Variants in TMEM214 observed in about 807,000 individuals in gnomAD.
TMEM214 encodes the protein transmembrane protein 214.
In TMEM214, 71 loss-of-function variants were observed where a neutral mutation model predicts 89.8. The ratio of observed to expected loss-of-function variants is 0.79; its 90% confidence interval spans 0.65 to 0.96. The LOEUF (loss-of-function observed/expected upper bound fraction) is 0.96. Ranked by LOEUF, TMEM214 falls within the 40% of genes least tolerant of loss-of-function variation. The pLI, the probability that TMEM214 is intolerant of heterozygous loss-of-function variation, is 0.00. For synonymous variants in TMEM214, 332 were observed against 349.5 expected (o/e 0.95, Z 0.56); for missense variants, 754 against 843.4 (o/e 0.89, Z 1.31).
At position 27,034,093 on chromosome 2, in the gene TMEM214, T is replaced by C. The variant is rs1667444932; in HGVS notation, c.178T>C (p.Tyr60His). 1.2e-6 allele frequency: 2 copies of C among 1,613,888 alleles called. No homozygotes were observed. The highest frequency in any genetic ancestry group is 2.7e-5 in the African/African-American group (2 of 74,836). Residue 60 changes from tyrosine to histidine, a missense_variant, in exon 2 of 17, where the codon TAT becomes CAT. Physicochemically the swap from Tyr to His is moderately conservative, Grantham distance 83. Coordinates refer to ENST00000238788, the MANE Select transcript of TMEM214 (RefSeq NM_017727.5). ...TPAIQTTSTLYERGFENIMKR... is the reference protein window; with the variant it reads ...TPAIQTTSTLHERGFENIMKR... ...TGCAATCCAGACCACAAGCACCCTT[T>C]ATGAGCGGGGCTTTGAGAATATCAT... is the stretch of plus-strand genomic sequence containing the variant.
intron 7 of TMEM214, 74 bp from the exon 8 acceptor site, chr2:27,037,003 C>A: frequency 1.4e-6 from 2 of 1,380,684 alleles, no homozygotes; most frequent in Non-Finnish European, 2.1e-6. Flanking sequence ...TAGATGTTGG[C>A]TTAGCTGGGG....
chr2:27,039,670 C>A, intron 13 of TMEM214, 71 bp from the exon 14 acceptor site: 3 of 1,313,978 alleles, frequency 2.3e-6, no homozygotes, highest in Non-Finnish European at 3.3e-6. Flanking sequence ...CTGCTCTGGG[C>A]CCTGTAGTGT....
chr2:27,038,267 T>C lies in TMEM214; in HGVS notation c.1244+30T>C, dbSNP rs1230051932. The C allele has an allele frequency of 6.2e-7, 1 of 1,608,482 alleles. No homozygotes were observed. On this transcript the variant is annotated intron_variant, in intron 10 of 16. Transcript: ENST00000238788. The surrounding 1 kb of genome is among the most constrained non-coding windows in gnomAD (Gnocchi z 4.4). Reference sequence around the variant, plus strand: ...GTGGGGTGGGAGGCCAGCCTGTCCCTGTGCTAGAAGCAGAAGGGGAGCCTG... The same window carrying C: ...GTGGGGTGGGAGGCCAGCCTGTCCCCGTGCTAGAAGCAGAAGGGGAGCCTG...
At chr2:27,036,835 G>A in intron 7 of TMEM214, 49 bp downstream of exon 7, 1 of 1,586,914 alleles carries the variant, frequency 6.3e-7, no homozygotes, top group Non-Finnish European at 8.7e-7. Context: ...GTCCCAAGTG[G>A]CTGTTATAGC....
chr2:27,036,798 G>C lies in TMEM214; in HGVS notation c.908+12G>C. On this transcript the variant is annotated intron_variant, in intron 7 of 16. Coordinates refer to ENST00000238788, the MANE Select transcript of TMEM214 (RefSeq NM_017727.5). ...GATCGGCTGCTCCTGTGAGTAATGGGAGGGCAGCAAGGGGAAGGCTCAGGG... is the reference window on the plus strand; with the variant it reads ...GATCGGCTGCTCCTGTGAGTAATGGCAGGGCAGCAAGGGGAAGGCTCAGGG... 6.2e-7 allele frequency: 1 copy of C among 1,613,884 alleles called. No homozygotes were observed. Among genetic ancestry groups the C allele is most frequent in the Non-Finnish European group, 8.5e-7 (1 of 1,179,906 alleles).
At chr2:27,033,992 G>A (rs1477609828) in intron 1 of TMEM214, 75 bp from the exon 2 acceptor site, 90 of 1,500,398 alleles carry the variant, frequency 6.0e-5, no homozygotes, top group East Asian at 2.3e-5. Flanking sequence ...GGCAGTGTGG[G>A]GAAAGGGACC....
rs779447417 is a variant in TMEM214 at position 27,035,999 on chromosome 2, A to G, written c.667A>G (p.Ile223Val). The change falls in exon 5 of 17, where the codon ATC (isoleucine) becomes GTC (valine). Residue 223 changes from isoleucine (I) to valine (V), a missense_variant. Ile to Val is a conservative substitution (Grantham distance 29, BLOSUM62 3). Coordinates refer to ENST00000238788, the MANE Select transcript of TMEM214 (RefSeq NM_017727.5). ...GTCACTACATGGTTACCGCATCTGT[A>G]TCCAGGCCATCCTGCAAGACAAGCC... is the stretch of plus-strand genomic sequence containing the variant. ...GESLHGYRIC[I>V]QAILQDKPKI... 6.2e-7 allele frequency: 1 copy of G among 1,614,186 alleles called. No individual in the cohort carries two copies. Among genetic ancestry groups the G allele is most frequent in the Non-Finnish European group, 8.5e-7 (1 of 1,180,040 alleles).
intron 7 of TMEM214, 113 bp downstream of exon 7, chr2:27,036,899 G>A: frequency 8.2e-7 from 1 of 1,221,788 alleles, no homozygotes. Flanking sequence ...ATCAGGACCA[G>A]CTTCTCCCAC....
In TMEM214 at chr2:27,040,361, C is replaced by T. The variant is rs775725157; in HGVS notation, c.1808C>T (p.Pro603Leu). The change falls in exon 16 of 17, where the codon CCC (proline) becomes CTC (leucine). Residue 603 changes from proline to leucine, a missense_variant. By Grantham distance (98) the Pro-to-Leu change is moderately conservative. Transcript: ENST00000238788. ...ATGGTCCAGCTACAGATCCAGCTCC[C>T]CGATTCCGTGAATCAGCTACTCCGC... is the stretch of plus-strand genomic sequence containing the variant. ...SLSQRLQIQL[P>L]DSVNQLLRYL... 3 of 1,614,106 alleles carry T rather than the reference C, an allele frequency of 1.9e-6. No individual in the cohort carries two copies. The African/African-American group carries it at 4.0e-5, about 22-fold the overall frequency.
Position 27,038,455 on chromosome 2 carries a change from C to T in TMEM214, c.1245-29C>T, listed in dbSNP as rs1667667882. ...GGATGGGTGAGGCTGCGCGAGCCACCTGACTAGGGGGTTGTGCTTTCCCCA... is the reference window on the plus strand; with the variant it reads ...GGATGGGTGAGGCTGCGCGAGCCACTTGACTAGGGGGTTGTGCTTTCCCCA... On this transcript the variant is annotated intron_variant, in intron 10 of 16. Coordinates refer to ENST00000238788, the MANE Select transcript of TMEM214 (RefSeq NM_017727.5). This position sits in a 1 kb window ranked among gnomAD's most constrained non-coding sequence, Gnocchi z 4.4. The T allele has an allele frequency of 2.5e-6, 4 of 1,613,384 alleles. No homozygotes were observed. The highest frequency in any genetic ancestry group is 3.4e-6 in the Non-Finnish European group (4 of 1,179,844).
chr2:27,039,521 G>A (rs1437222533), intron 13 of TMEM214: 3 of 605,530 alleles, frequency 5.0e-6, no homozygotes, highest in Non-Finnish European at 8.8e-6. Context: ...CCTGAGCCTA[G>A]GCTCCAACCG....
In TMEM214 at chr2:27,037,564, G is replaced by T; in HGVS notation, c.1014G>T (p.Leu338=). Residue 338 remains leucine (L), a synonymous_variant, in exon 9 of 17, where the codon CTG becomes CTT. Transcript: ENST00000238788. ...YMPNNSLTPS[L]QEQLCQLYPR... ...CTTTCCTCCCCACCCCACCCAGCCT[G>T]CAGGAGCAGCTGTGTCAGCTCTACC... 6.2e-7 allele frequency: 1 copy of T among 1,614,134 alleles called. No individual in the cohort carries two copies. The highest frequency in any genetic ancestry group is 8.5e-7 in the Non-Finnish European group (1 of 1,180,028).
rs72852976 is a variant in TMEM214 at position 27,041,140 on chromosome 2, C to T, written c.*303C>T. 1.6e-3 allele frequency: 515 copies of T among 322,956 alleles called. 1 individual carries two copies. Among genetic ancestry groups the T allele is most frequent in the African/African-American group, 7.1e-3 (340 of 47,974 alleles). 20.0% of individuals were successfully genotyped at this position (322,956 alleles called of 1,614,324 possible). A position where few individuals can be genotyped will look rare whatever the true frequency, so the allele number is the denominator to read the frequency against. On this transcript the variant is annotated 3_prime_UTR_variant, in exon 17 of 17. Coordinates refer to ENST00000238788, the MANE Select transcript of TMEM214 (RefSeq NM_017727.5). ...CGCCCTTGCCCTCTGCCTTCCACTT[C>T]CTTCCATCTCATTTCTAAACCCCAA...
At chr2:27,037,519 C>T (rs201872344) in intron 8 of TMEM214, 42 bp from the exon 9 acceptor site, 231 of 1,613,450 alleles carry the variant, frequency 1.4e-4, no homozygotes, top group Non-Finnish European at 1.8e-4. Flanking sequence ...CATACAGCTC[C>T]ACTTATAGCT....
chr2:27,040,217 G>A lies in TMEM214; in HGVS notation c.1791+19G>A, dbSNP rs1558401434. The A allele has an allele frequency of 2.5e-6, 4 of 1,605,088 alleles. No homozygotes were observed. The highest frequency in any genetic ancestry group is 3.4e-6 in the Non-Finnish European group (4 of 1,179,200). On this transcript the variant is annotated intron_variant, in intron 15 of 16. Transcript: ENST00000238788. ...TCAGAGGGTAAGTCAGAGACAGGGA[G>A]TCAAATAAGGGGCTGGTTTTCCCAG...
In TMEM214 at chr2:27,035,607, C is replaced by T; in HGVS notation, c.516C>T (p.Ser172=). 6.2e-7 allele frequency: 1 copy of T among 1,614,184 alleles called. No homozygotes were observed. The highest frequency in any genetic ancestry group is 8.5e-7 in the Non-Finnish European group (1 of 1,180,040). ...LSQHTHDYPY[S]LVSRELRGII... Reference sequence around the variant, plus strand: ...TATGGGCCTTAGATTATCCCTACAGCCTGGTGAGCCGGGAGCTACGTGGGA... The same window carrying T: ...TATGGGCCTTAGATTATCCCTACAGTCTGGTGAGCCGGGAGCTACGTGGGA... The change falls in exon 4 of 17, where the codon AGC becomes AGT. Residue 172 remains serine (S), a synonymous_variant. Coordinates refer to ENST00000238788, the MANE Select transcript of TMEM214 (RefSeq NM_017727.5).
intron 14 of TMEM214, 53 bp downstream of exon 14, chr2:27,039,890 T>C: frequency 6.8e-7 from 1 of 1,466,420 alleles, no homozygotes. Flanking sequence ...AAGGCCTGGG[T>C]GTCAGGGAGG....
Position 27,038,270 on chromosome 2 carries a change from GC to G in TMEM214, c.1244+34del. ...GGGTGGGAGGCCAGCCTGTCCCTGT[GC>G]TAGAAGCAGAAGGGGAGCCTGGGTC... On this transcript the variant is annotated intron_variant, in intron 10 of 16. Coordinates refer to ENST00000238788, the MANE Select transcript of TMEM214 (RefSeq NM_017727.5). This position sits in a 1 kb window ranked among gnomAD's most constrained non-coding sequence, Gnocchi z 4.4. 6.2e-7 allele frequency: 1 copy of G among 1,606,388 alleles called. No individual in the cohort carries two copies. Among genetic ancestry groups the G allele is most frequent in the Non-Finnish European group, 8.5e-7 (1 of 1,173,614 alleles).
In TMEM214 at chr2:27,039,000, A is replaced by T. The variant is rs762937975; in HGVS notation, c.1408-47A>T. 2 of 1,594,928 alleles carry T rather than the reference A, an allele frequency of 1.3e-6. No homozygotes were observed. The highest frequency in any genetic ancestry group is 1.7e-6 in the Non-Finnish European group (2 of 1,165,288). On this transcript the variant is annotated intron_variant, in intron 12 of 16. Coordinates refer to ENST00000238788, the MANE Select transcript of TMEM214 (RefSeq NM_017727.5). This position sits in a 1 kb window ranked among gnomAD's most constrained non-coding sequence, Gnocchi z 4.4. ...TTGAGGTCTGCCCTCAGAGGCAAAG[A>T]CCAGCCCCTCGCTTCTGACAACTGT...
Sources: allele counts gnomAD v4.1 joint callset, GRCh38; gene constraint gnomAD v4.1.1; non-coding constraint Gnocchi (gnomAD v3.1); transcripts MANE v1.5; gene names NCBI Gene and HGNC (gene_info 2026-07-23, HGNC 2026-07-21).